FMN1: variants seen among roughly 807,000 people sequenced by gnomAD.
FMN1 encodes formin 1, also known as formin-1.
A neutral mutation model predicts 132.4 loss-of-function variants in FMN1; 110 were observed. The ratio of observed to expected loss-of-function variants is 0.83; its 90% CI spans 0.71 to 0.97. The LOEUF (loss-of-function observed/expected upper bound fraction) is 0.97, where lower values mean the gene tolerates loss of function less well. Ranked by LOEUF, FMN1 falls within the 50% of genes least tolerant of loss-of-function variation. FMN1 has a pLI of 0.00. For missense variants in FMN1, 1,792 were observed against 1,705.3 expected (o/e 1.05, Z -0.90); for synonymous variants, 722 against 651.7 (o/e 1.11, Z -1.64).
intron 20 of FMN1, among the ~76,000 whole-genome samples, chr15:32,775,589 T>C (rs960804918): frequency 6.6e-6 from 1 of 152,156 alleles, no homozygotes; most frequent in African/African-American, 2.4e-5. Context: ...GTCATAAATA[T>C]ACCATCAAAC....
chr15:32,901,844 G>A lies in FMN1; in HGVS notation c.3507+67C>T. 2.9e-6 allele frequency: 4 copies of A among 1,371,638 alleles called. No homozygotes were observed. The East Asian group carries it at 9.7e-5, about 33-fold the overall frequency. The allele number at this position is 1,371,638 out of a possible 1,614,324, so 85.0% of individuals were successfully genotyped here. A position where few individuals can be genotyped will look rare whatever the true frequency, so the allele number is the denominator to read the frequency against. On this transcript the variant is annotated intron_variant, in intron 13 of 20. Transcript: ENST00000616417. ...AAGGTTTCTATAATGGCATTAAAGTGGTCTCTCCCACTTTCTTCTTTACTC... is the reference window on the plus strand; with the variant it reads ...AAGGTTTCTATAATGGCATTAAAGTAGTCTCTCCCACTTTCTTCTTTACTC...
At chr15:33,070,008 T>C (rs2037930096) in intron 5 of FMN1, among the ~76,000 whole-genome samples, 2 of 138,234 alleles carry the variant, frequency 1.4e-5, no homozygotes, top group South Asian at 2.5e-4. Context: ...TTTTTTTTTT[T>C]TTTTTTTTTT....
intron 6 of FMN1, among the ~76,000 whole-genome samples, chr15:33,029,765 G>A (rs1245853261): frequency 6.6e-6 from 1 of 152,200 alleles, no homozygotes; most frequent in Non-Finnish European, 1.5e-5. Context: ...GATGTCTGGA[G>A]TTAAGCCCCT....
At chr15:32,916,037 C>T (rs536201869) in intron 10 of FMN1, among the ~76,000 whole-genome samples, 1 of 152,162 alleles carries the variant, frequency 6.6e-6, no homozygotes, top group South Asian at 2.1e-4. Context: ...CTCTGTACCA[C>T]AAGAATTATA....
chr15:32,842,429 CTG>C (rs2058764648), intron 17 of FMN1, among the ~76,000 whole-genome samples: 1 of 152,208 alleles, frequency 6.6e-6, no homozygotes, highest in Non-Finnish European at 1.5e-5. Flanking sequence ...ACTCATTAAA[CTG>C]TGAGAGATAG....
At chr15:33,114,367 G>C (rs2039830629) in intron 4 of FMN1, among the ~76,000 whole-genome samples, 1 of 152,212 alleles carries the variant, frequency 6.6e-6, no homozygotes, top group Admixed American at 6.5e-5. Flanking sequence ...CTGGCTGCCT[G>C]AACATTTAGA....
At chr15:32,831,837 G>GGGGAA (rs2058510563) in intron 17 of FMN1, among the ~76,000 whole-genome samples, 1 of 151,870 alleles carries the variant, frequency 6.6e-6, no homozygotes, top group Non-Finnish European at 1.5e-5. Flanking sequence ...ATCTTCTGGT[G>GGGGAA]GGGAAGTATT....
chr15:33,130,211 TTTTC>T (rs1418448708), intron 4 of FMN1, among the ~76,000 whole-genome samples: 13 of 152,230 alleles, frequency 8.5e-5, no homozygotes, highest in African/African-American at 2.4e-4. Flanking sequence ...CCTGCTAGCA[TTTTC>T]TTTCTATTTT....
chr15:32,823,183 A>C (rs377740279), intron 17 of FMN1, among the ~76,000 whole-genome samples: 1 of 80,626 alleles, frequency 1.2e-5, no homozygotes. Flanking sequence ...TTTTTTTGAG[A>C]CAGAGTCTTG....
chr15:32,841,238 T>G (rs143724075), intron 17 of FMN1, among the ~76,000 whole-genome samples: 9 of 152,202 alleles, frequency 5.9e-5, no homozygotes, highest in African/African-American at 2.2e-4. Context: ...TTGAGAAATA[T>G]AGAGAGACAA....
chr15:33,138,735 C>T (rs1333638665), intron 4 of FMN1, among the ~76,000 whole-genome samples: 1 of 152,118 alleles, frequency 6.6e-6, no homozygotes. Flanking sequence ...GCTCAGATAT[C>T]GGTTCACATC....
intron 3 of FMN1, among the ~76,000 whole-genome samples, chr15:33,163,949 G>A (rs1964998228): frequency 1.3e-5 from 2 of 152,116 alleles, no homozygotes; most frequent in Non-Finnish European, 2.9e-5. Flanking sequence ...ATGGAAAACA[G>A]AAGTATGTTT....
rs187440080 is a variant in FMN1 at position 33,175,531 on chromosome 15, G to A, written c.-132+4667C>T. On this transcript the variant is annotated intron_variant, in intron 3 of 20. Coordinates refer to ENST00000616417, the MANE Select transcript of FMN1 (RefSeq NM_001277313.2). ...TCTATTTTGAAAGAAATTCAAGAAG[G>A]TAGGGAGCCCCTATTTCTCTATATC... Among the ~76,000 whole-genome samples, 261 of 152,256 alleles carry A rather than the reference G, an allele frequency of 1.7e-3. 1 individual carries two copies. Among genetic ancestry groups the A allele is most frequent in the Non-Finnish European group, 3.2e-3 (216 of 68,012 alleles).
At chr15:32,898,437 ATTACT>A (rs2060211838) in intron 15 of FMN1, among the ~76,000 whole-genome samples, 2 of 152,216 alleles carry the variant, frequency 1.3e-5, no homozygotes, top group African/African-American at 4.8e-5. Flanking sequence ...TCATAGATTC[ATTACT>A]GATAAAATAT....
At chr15:33,156,659 T>C (rs151124972) in intron 3 of FMN1, among the ~76,000 whole-genome samples, 15 of 152,246 alleles carry the variant, frequency 9.9e-5, no homozygotes, top group African/African-American at 3.6e-4. Context: ...TAGGGATACT[T>C]AATAATTATT....
chr15:33,124,283 A>G (rs1962843905), intron 4 of FMN1, among the ~76,000 whole-genome samples: 1 of 152,236 alleles, frequency 6.6e-6, no homozygotes, highest in African/African-American at 2.4e-5. Context: ...TTCACTGTAG[A>G]AAAGTTCTGA....
At chr15:33,005,160 G>T (rs2140931239) in intron 7 of FMN1, among the ~76,000 whole-genome samples, 1 of 151,794 alleles carries the variant, frequency 6.6e-6, no homozygotes, top group African/African-American at 2.4e-5. Flanking sequence ...TGCACGTTGT[G>T]CATATGTACC....
intron 6 of FMN1, among the ~76,000 whole-genome samples, chr15:33,058,036 C>G (rs558982104): frequency 1.4e-5 from 2 of 146,782 alleles, no homozygotes; most frequent in African/African-American, 2.5e-5. Context: ...AAAGGCGTGG[C>G]GGGCTGGTGG....
intron 7 of FMN1, among the ~76,000 whole-genome samples, chr15:33,002,447 G>T (rs745351969): frequency 1.3e-5 from 2 of 152,194 alleles, no homozygotes; most frequent in Non-Finnish European, 2.9e-5. Flanking sequence ...CACAAGTACA[G>T]CTAGGGTGGG....
Sources: gnomAD v4.1 joint callset for allele counts (sites outside exome capture counted in the v4.1 genomes callset) on GRCh38, gnomAD v4.1.1 for gene constraint, MANE v1.5 for transcripts, NCBI Gene and HGNC (gene_info 2026-07-23, HGNC 2026-07-21) for gene names.